The following FBXO22 variants were observed in gnomAD, a reference collection of about 807,000 sequenced individuals.
FBXO22 encodes F-box only protein 22.
FBXO22 carries 13 observed loss-of-function variants against 37.2 expected under a neutral mutation model. That is an observed-to-expected ratio of 0.35 (90% CI 0.23 to 0.56). FBXO22 has a LOEUF of 0.56. FBXO22 is among the 20% of genes least tolerant of loss of function. FBXO22 has a pLI of 0.87. For synonymous variants in FBXO22, 189 were observed against 189.1 expected (o/e 1.00, Z 0.00); for missense variants, 446 against 509.9 (o/e 0.87, Z 1.21).
At chr15:75,920,381 G>T (rs1900290102) in intron 5 of FBXO22, among the ~76,000 whole-genome samples, 1 of 152,208 alleles carries the variant, frequency 6.6e-6, no homozygotes, top group African/African-American at 2.4e-5. Context: ...AGGCCTTGGA[G>T]TAAGCCAGTC....
intron 5 of FBXO22, among the ~76,000 whole-genome samples, chr15:75,922,110 A>G (rs1595916265): frequency 6.6e-6 from 1 of 152,304 alleles, no homozygotes; most frequent in East Asian, 1.9e-4. Context: ...TATGCATTGT[A>G]CGTGATTGTA....
rs1441062661 is a variant in FBXO22 at position 75,935,367 on chromosome 15, C to A, written c.*2265C>A. On this transcript the variant is annotated 3_prime_UTR_variant, in exon 7 of 7. Transcript: ENST00000308275. The stretch of plus-strand genomic sequence containing the variant: ...ATAAAAAAGAGAAGTAAAGGTGTAC[C>A]ATTAGCCTACATACTGAGCTGACGA... The A allele has an allele frequency of 6.6e-6, 1 of 151,970 alleles. No individual in the cohort carries two copies. The highest frequency in any genetic ancestry group is 1.5e-5 in the Non-Finnish European group (1 of 67,976). 9.4% of individuals were successfully genotyped at this position (151,970 alleles called of 1,614,324 possible).
At chr15:75,926,019 T>G (rs1276682134) in intron 5 of FBXO22, among the ~76,000 whole-genome samples, 1 of 152,260 alleles carries the variant, frequency 6.6e-6, no homozygotes, top group Non-Finnish European at 1.5e-5. Flanking sequence ...CAGTTTATCC[T>G]GTTACCTAAG....
At chr15:75,910,305 A>G (rs1397619854) in intron 2 of FBXO22, 1 of 152,234 alleles carries the variant, frequency 6.6e-6, no homozygotes, top group Non-Finnish European at 1.5e-5. Flanking sequence ...GCTGGGCCAA[A>G]TGGTATTTCT....
chr15:75,930,716 G>A (rs1042924037), intron 6 of FBXO22: 2 of 985,184 alleles, frequency 2.0e-6, no homozygotes, highest in Admixed American at 6.2e-5. Flanking sequence ...TTTTGAGTTT[G>A]AAACAATTAG....
Position 75,932,992 on chromosome 15 carries a change from A to G in FBXO22, c.1102A>G (p.Ile368Val). Residue 368 changes from isoleucine (I) to valine (V), a missense_variant, in exon 7 of 7, where the codon ATA (isoleucine) becomes GTA (valine). By Grantham distance (29) the Ile-to-Val change is conservative (BLOSUM62 3). This residue lies in a region of FBXO22 where 315 missense variants were observed against 410.1 expected (regional missense o/e 0.77). Coordinates refer to ENST00000308275, the MANE Select transcript of FBXO22 (RefSeq NM_147188.3). ...FGNGEIGCDRIVTGNFILRKC... is the reference protein window; with the variant it reads ...FGNGEIGCDRVVTGNFILRKC... ...AAATGGAGAAATTGGATGTGATCGG[A>G]TAGTCACTGGGAACTTTATATTGAG... 1.9e-6 allele frequency: 3 copies of G among 1,614,230 alleles called. No homozygotes were observed. Among genetic ancestry groups the G allele is most frequent in the Non-Finnish European group, 2.5e-6 (3 of 1,180,044 alleles).
At position 75,917,363 on chromosome 15, in the gene FBXO22, A is replaced by G. The variant is rs749038086; in HGVS notation, c.597A>G (p.Leu199=). ...PFHFIKDPKN[L]TLERHQLTEV... is the part of the protein sequence containing the mutation. The stretch of plus-strand genomic sequence containing the variant: ...ATTTTATTAAGGATCCAAAGAATTT[A>G]ACATTAGAAAGACATCAACTCACTG... The change falls in exon 5 of 7, where the codon TTA becomes TTG. Residue 199 remains leucine, a synonymous_variant. Transcript: ENST00000308275. 4.4e-6 allele frequency: 7 copies of G among 1,601,278 alleles called. No homozygotes were observed. The South Asian group carries it at 7.7e-5, about 18-fold the overall frequency.
At chr15:75,911,315 C>T (rs979938784) in intron 2 of FBXO22, among the ~76,000 whole-genome samples, 2 of 152,058 alleles carry the variant, frequency 1.3e-5, no homozygotes, top group South Asian at 2.1e-4. Context: ...TCAGTGGTAG[C>T]TTGATGGGGA....
At chr15:75,904,739 C>A in intron 2 of FBXO22, 110 bp downstream of exon 2, 2 of 980,288 alleles carry the variant, frequency 2.0e-6, no homozygotes, top group East Asian at 3.0e-5. Flanking sequence ...CATCTCGTTC[C>A]GTGAAAAGAT....
At chr15:75,914,464 C>T (rs907006634) in intron 4 of FBXO22, among the ~76,000 whole-genome samples, 2 of 152,130 alleles carry the variant, frequency 1.3e-5, no homozygotes, top group Non-Finnish European at 2.9e-5. Context: ...TGCCTTCCTC[C>T]AAATTAGGAA....
At chr15:75,930,798 A>G in intron 6 of FBXO22, 2 of 985,416 alleles carry the variant, frequency 2.0e-6, no homozygotes, top group Non-Finnish European at 2.4e-6. Context: ...TGTAAACACT[A>G]CTATTTGTTT....
rs1233101243 is a variant in FBXO22 at position 75,942,218 on chromosome 15, AATACT to A, written c.*9120_*9124del. 1 of 152,128 alleles carries A rather than the reference AATACT, an allele frequency of 6.6e-6. No homozygotes were observed. The highest frequency in any genetic ancestry group is 1.5e-5 in the Non-Finnish European group (1 of 68,028). 9.4% of individuals were successfully genotyped at this position (152,128 alleles called of 1,614,324 possible). A position where few individuals can be genotyped will look rare whatever the true frequency, so the allele number is the denominator to read the frequency against. ...TTAGGGTGGTGAAACTACTGTATACAATACTATAATAGTGGATACATGACATTATA... is the reference window on the plus strand; with the variant it reads ...TTAGGGTGGTGAAACTACTGTATACAATAATAGTGGATACATGACATTATA... On this transcript the variant is annotated 3_prime_UTR_variant, in exon 7 of 7. Transcript: ENST00000308275.
Position 75,940,735 on chromosome 15 carries a change from G to A in FBXO22, c.*7633G>A, listed in dbSNP as rs984940818. On this transcript the variant is annotated 3_prime_UTR_variant, in exon 7 of 7. Transcript: ENST00000308275. ...GACAAGGGTGCCAAGGCTATTCCAA[G>A]GATAGTTTTTTCAACAAATAATGAT... 15 of 151,570 alleles carry A rather than the reference G, an allele frequency of 9.9e-5. No individual in the cohort carries two copies. The highest frequency in any genetic ancestry group is 3.4e-4 in the African/African-American group (14 of 41,258). The allele number at this position is 151,570 out of a possible 1,614,324, so 9.4% of individuals were successfully genotyped here.
At chr15:75,904,267 T>G in intron 1 of FBXO22, 164 bp downstream of exon 1, 1 of 1,167,246 alleles carries the variant, frequency 8.6e-7, no homozygotes, top group Non-Finnish European at 1.2e-6. Context: ...CTCCCAGCCG[T>G]GGTGCCCCGG....
chr15:75,925,729 T>A (rs1352359667), intron 5 of FBXO22, among the ~76,000 whole-genome samples: 1 of 150,924 alleles, frequency 6.6e-6, no homozygotes, highest in Non-Finnish European at 1.5e-5. Flanking sequence ...GAGGCAGACT[T>A]TATTTGGGAG....
rs1361668516 is a variant in FBXO22, at chr15:75,914,098, G to A, written c.368-12G>A. On this transcript the variant is annotated splice_polypyrimidine_tract_variant and intron_variant, in intron 3 of 6. Transcript: ENST00000308275. ...GGATGATATTTATCATTTTGCTACT[G>A]TATTTTTACAGCAAGGAAAAGAACT... 1 of 1,590,194 alleles carries A rather than the reference G, an allele frequency of 6.3e-7. No homozygotes were observed. The highest frequency in any genetic ancestry group is 8.6e-7 in the Non-Finnish European group (1 of 1,164,378).
intron 6 of FBXO22, 80 bp downstream of exon 6, chr15:75,930,129 TAAA>T: frequency 6.2e-7 from 1 of 1,600,190 alleles, no homozygotes; most frequent in Non-Finnish European, 8.5e-7. Context: ...GTTAACAATT[TAAA>T]AAACGTGTTT....
chr15:75,904,153 G>A, intron 1 of FBXO22, 50 bp downstream of exon 1: 2 of 1,499,010 alleles, frequency 1.3e-6, no homozygotes, highest in Middle Eastern at 2.3e-4. Context: ...CACGCCGTGG[G>A]CATGTCCCAG....
chr15:75,904,390 A>C, intron 1 of FBXO22, 101 bp from the exon 2 acceptor site: 1 of 1,555,406 alleles, frequency 6.4e-7, no homozygotes, highest in Non-Finnish European at 8.8e-7. Flanking sequence ...TGGATCCCGC[A>C]GGGATCTCCT....
Sources: allele counts gnomAD v4.1 joint callset (sites outside exome capture counted in the v4.1 genomes callset), GRCh38; gene constraint gnomAD v4.1.1; regional missense constraint gnomAD v4.1.1; transcripts MANE v1.5; gene names NCBI Gene and HGNC (gene_info 2026-07-23, HGNC 2026-07-21).